Variants in WFDC5 observed in about 807,000 individuals in gnomAD.
WFDC5 encodes the protein WAP four-disulfide core domain 5, also known as WAP four-disulfide core domain protein 5.
In WFDC5, 15 loss-of-function variants were observed where a neutral mutation model predicts 15.7. The observed-to-expected ratio is 0.96, with a 90% CI of 0.64 to 1.47. The LOEUF (loss-of-function observed/expected upper bound fraction) is 1.47, where lower values mean the gene tolerates loss of function less well. Ranked by LOEUF, WFDC5 falls within the 40% of genes most tolerant of loss-of-function variation. WFDC5 has a pLI of 0.00. For synonymous variants in WFDC5, 109 were observed against 107.7 expected (o/e 1.01, Z -0.07); for missense variants, 280 against 258.0 (o/e 1.09, Z -0.59).
exon 1 of WFDC5, chr20:45,115,025 G>A (rs2145528914): frequency 6.2e-7 from 1 of 1,613,728 alleles, no homozygotes. Context: ...AAAGACAGCA[G>A]GCAGCTGACT....
exon 4 of WFDC5, chr20:45,109,731 G>A (rs779292474): frequency 2.5e-5 from 18 of 717,736 alleles, no homozygotes; most frequent in South Asian, 5.9e-5. Flanking sequence ...GTGTGAAAGC[G>A]TTAGGAAGGG....
At chr20:45,110,765 C>T in exon 2 of WFDC5, 1 of 1,614,076 alleles carries the variant, frequency 6.2e-7, no homozygotes, top group East Asian at 2.2e-5. Flanking sequence ...GCGGGCAGCC[C>T]CCCGATTTCT....
At chr20:45,111,775 G>T (rs879344175) in intron 1 of WFDC5, among the ~76,000 whole-genome samples, 2 of 152,124 alleles carry the variant, frequency 1.3e-5, no homozygotes, top group African/African-American at 2.4e-5. Flanking sequence ...CCTGAAAAGG[G>T]CAGTGACTTG....
At chr20:45,110,568 C>T (rs767416235) in intron 2 of WFDC5, 28 bp from the exon 3 acceptor site, 48 of 1,613,946 alleles carry the variant, frequency 3.0e-5, no homozygotes, top group South Asian at 3.3e-5. Context: ...GGGTGAGCTC[C>T]GTCCTTGCCC....
intron 1 of WFDC5, 30 bp downstream of exon 1, chr20:45,114,968 TC>T: frequency 1.9e-6 from 3 of 1,605,586 alleles, no homozygotes; most frequent in Non-Finnish European, 1.7e-6. Context: ...GACAATCTGG[TC>T]CCCCCAGCAG....
chr20:45,110,732 T>A (rs781662549), exon 2 of WFDC5: 5 of 1,614,024 alleles, frequency 3.1e-6, no homozygotes, highest in Non-Finnish European at 3.4e-6. Flanking sequence ...CAGGCACCGA[T>A]AGGAGGCAGG....
intron 1 of WFDC5, among the ~76,000 whole-genome samples, chr20:45,113,896 G>T (rs1600610705): frequency 6.6e-6 from 1 of 152,094 alleles, no homozygotes; most frequent in Non-Finnish European, 1.5e-5. Flanking sequence ...TATGTTGGGG[G>T]TGCATTGTCC....
Position 45,110,618 on chromosome 20 carries a change from G to A in WFDC5, c.226+17C>T, listed in dbSNP as rs746011942. 6.2e-7 allele frequency: 1 copy of A among 1,613,996 alleles called. No individual in the cohort carries two copies. Among genetic ancestry groups the A allele is most frequent in the Admixed American group, 1.7e-5 (1 of 60,006 alleles). ...TTGGGGCTTGGATGGTCAGCAAGGT[G>A]GAGGGGAGGCATTTACCAGAGACCC... On this transcript the variant is annotated intron_variant, in intron 2 of 3. Coordinates refer to ENST00000307971, the Ensembl canonical transcript of WFDC5.
At chr20:45,110,415 G>C (rs756806925) in exon 3 of WFDC5, 2 of 1,606,342 alleles carry the variant, frequency 1.2e-6, no homozygotes, top group Non-Finnish European at 1.7e-6. Context: ...GCAGGATCCC[G>C]GCAATCCCGC....
intron 1 of WFDC5, 42 bp downstream of exon 1, chr20:45,114,957 A>G: frequency 6.2e-7 from 1 of 1,601,378 alleles, no homozygotes; most frequent in South Asian, 1.1e-5. Context: ...AGAGAAGTAG[A>G]GACAATCTGG....
intron 1 of WFDC5, 106 bp downstream of exon 1, chr20:45,114,893 G>A (rs11700135): frequency 0.39 from 440,185 of 1,115,884 alleles, 92,300 homozygotes; most frequent in Non-Finnish European, 0.44. Flanking sequence ...ACACACACGC[G>A]CACACACACC....
At chr20:45,111,189 T>C (rs1340986757) in intron 1 of WFDC5, among the ~76,000 whole-genome samples, 1 of 152,036 alleles carries the variant, frequency 6.6e-6, no homozygotes, top group Non-Finnish European at 1.5e-5. Context: ...TCTCCTGTAC[T>C]CCATGCGCCT....
chr20:45,114,866 C>T, intron 1 of WFDC5, 133 bp downstream of exon 1: 5 of 871,968 alleles, frequency 5.7e-6, no homozygotes, highest in Non-Finnish European at 8.8e-6. Flanking sequence ...CACACATACA[C>T]ACACGCACGC....
intron 1 of WFDC5, among the ~76,000 whole-genome samples, chr20:45,113,569 G>A (rs1981677729): frequency 6.6e-6 from 1 of 152,126 alleles, no homozygotes; most frequent in African/African-American, 2.4e-5. Flanking sequence ...CTTATTCCTC[G>A]AGACACCATT....
intron 1 of WFDC5, among the ~76,000 whole-genome samples, chr20:45,114,626 C>T (rs923877088): frequency 4.6e-5 from 7 of 151,984 alleles, no homozygotes; most frequent in South Asian, 2.1e-4. Context: ...CCTAAGTGTA[C>T]GTGTGCAGAC....
chr20:45,114,889 A>G (rs1383143264), intron 1 of WFDC5, 110 bp downstream of exon 1: 71 of 1,044,282 alleles, frequency 6.8e-5, no homozygotes, highest in Non-Finnish European at 9.6e-5. Flanking sequence ...GCACACACAC[A>G]CGCGCACACA....
intron 1 of WFDC5, among the ~76,000 whole-genome samples, chr20:45,111,692 T>C (rs2145525892): frequency 6.6e-6 from 1 of 152,308 alleles, no homozygotes; most frequent in Non-Finnish European, 1.5e-5. Context: ...TGCTGGGATT[T>C]TGGGCCATGT....
upstream of WFDC5, among the ~76,000 whole-genome samples, chr20:45,115,799 TC>T (rs1459440546): frequency 5.3e-5 from 8 of 152,140 alleles, no homozygotes; most frequent in Non-Finnish European, 8.8e-5. Context: ...GAACCTCTTC[TC>T]TGGCCCTAAG....
chr20:45,113,437 G>A (rs1456779438), intron 1 of WFDC5, among the ~76,000 whole-genome samples: 4 of 152,232 alleles, frequency 2.6e-5, no homozygotes, highest in African/African-American at 9.6e-5. Flanking sequence ...GCGCAGGCTC[G>A]GTTTCTGCTG....
Sources: gnomAD v4.1 joint callset for allele counts (sites outside exome capture counted in the v4.1 genomes callset) on GRCh38, gnomAD v4.1.1 for gene constraint, MANE v1.5 for transcripts, NCBI Gene and HGNC (gene_info 2026-07-23, HGNC 2026-07-21) for gene names.